The following ARHGAP24 variants were observed in gnomAD, a reference collection of about 807,000 sequenced individuals.
The protein encoded by ARHGAP24 is Rho GTPase activating protein 24.
ARHGAP24 carries 50 observed loss-of-function variants against 76.4 expected under a neutral mutation model. That is an observed-to-expected ratio of 0.65 (90% CI 0.52 to 0.83). The LOEUF (loss-of-function observed/expected upper bound fraction) is 0.83, where lower values mean the gene tolerates loss of function less well. Ranked by LOEUF, ARHGAP24 falls within the 40% of genes least tolerant of loss-of-function variation. The pLI, the probability that ARHGAP24 is intolerant of heterozygous loss-of-function variation, is 0.00. For missense variants in ARHGAP24, 930 were observed against 914.2 expected, an observed-to-expected ratio of 1.02 and a Z score of -0.22; for synonymous variants, 345 against 323.3, an observed-to-expected ratio of 1.07 and a Z score of -0.72.
At chr4:85,567,492 T>C (rs569944757) in intron 1 of ARHGAP24, among the ~76,000 whole-genome samples, 28 of 152,332 alleles carry the variant, frequency 1.8e-4, no homozygotes, top group Non-Finnish European at 3.2e-4. Flanking sequence ...ACTGGGTGTA[T>C]CATGGTGTCA....
At chr4:85,742,291 C>G (rs975526157) in intron 3 of ARHGAP24, among the ~76,000 whole-genome samples, 12 of 152,090 alleles carry the variant, frequency 7.9e-5, no homozygotes, top group Admixed American at 3.9e-4. Context: ...TCTCTCTTAT[C>G]GTGCAACATG....
intron 2 of ARHGAP24, among the ~76,000 whole-genome samples, chr4:85,642,194 G>A (rs538358652): frequency 3.0e-4 from 46 of 152,266 alleles, no homozygotes; most frequent in African/African-American, 1.1e-3. Flanking sequence ...GCAGGTTAAA[G>A]GTGGACGGGA....
chr4:85,970,216 G>A (rs991969038), intron 5 of ARHGAP24, among the ~76,000 whole-genome samples: 1 of 152,172 alleles, frequency 6.6e-6, no homozygotes, highest in Non-Finnish European at 1.5e-5. Flanking sequence ...TGCAAGGACA[G>A]GAGGCTTCCT....
At chr4:85,488,209 C>T (rs993300778) in intron 1 of ARHGAP24, among the ~76,000 whole-genome samples, 2 of 151,740 alleles carry the variant, frequency 1.3e-5, no homozygotes, top group Non-Finnish European at 2.9e-5. Flanking sequence ...AAAGAAATTC[C>T]TGCTCCCTCC....
At chr4:85,848,722 GT>G (rs1286864812) in intron 3 of ARHGAP24, among the ~76,000 whole-genome samples, 2 of 152,090 alleles carry the variant, frequency 1.3e-5, no homozygotes, top group African/African-American at 4.8e-5. Flanking sequence ...CCCATTTCTT[GT>G]TTTTGTCAGC....
intron 2 of ARHGAP24, among the ~76,000 whole-genome samples, chr4:85,697,844 A>T (rs1723926821): frequency 6.6e-6 from 1 of 152,194 alleles, no homozygotes; most frequent in South Asian, 2.1e-4. Flanking sequence ...GCCTGCCTTG[A>T]CCAGAGGTGA....
At chr4:85,986,246 T>C (rs1446287553) in intron 8 of ARHGAP24, among the ~76,000 whole-genome samples, 1 of 152,180 alleles carries the variant, frequency 6.6e-6, no homozygotes, top group East Asian at 1.9e-4. Context: ...CATATCCATA[T>C]CTATATAATA....
At chr4:85,821,465 C>T (rs1240565126) in intron 3 of ARHGAP24, among the ~76,000 whole-genome samples, 2 of 152,210 alleles carry the variant, frequency 1.3e-5, no homozygotes, top group African/African-American at 4.8e-5. Context: ...CCTCAAACTC[C>T]TGGGCTCAAG....
At chr4:85,669,731 CATCAGAAGTTTCA>C (rs1045853507) in intron 2 of ARHGAP24, among the ~76,000 whole-genome samples, 3 of 139,246 alleles carry the variant, frequency 2.2e-5, no homozygotes, top group Non-Finnish European at 3.1e-5. Flanking sequence ...CTATGTGAAG[CATCAGAAGTTTCA>C]ATCTAATCAT....
At chr4:85,782,239 A>G (rs1220968540) in intron 3 of ARHGAP24, among the ~76,000 whole-genome samples, 5 of 152,112 alleles carry the variant, frequency 3.3e-5, no homozygotes, top group East Asian at 1.9e-4. Context: ...CTCCTCTTTC[A>G]TTTTAATCGA....
At position 85,812,324 on chromosome 4, in the gene ARHGAP24, A is replaced by C. The variant is rs572828692; in HGVS notation, c.268+90352A>C. Among the ~76,000 whole-genome samples, 266 of 152,320 alleles carry C rather than the reference A, an allele frequency of 1.7e-3. 1 individual carries two copies. Among genetic ancestry groups the C allele is most frequent in the Admixed American group, 4.8e-3 (73 of 15,304 alleles). On this transcript the variant is annotated intron_variant, in intron 3 of 9. Coordinates refer to ENST00000395184, the MANE Select transcript of ARHGAP24 (RefSeq NM_001025616.3). ...TTACTTGATAATAACTAATTAAAGT[A>C]AATCTTATTACTTATAAGGTAGATT...
chr4:85,826,587 T>C (rs556222432), intron 3 of ARHGAP24, among the ~76,000 whole-genome samples: 8 of 152,252 alleles, frequency 5.3e-5, no homozygotes, highest in African/African-American at 1.9e-4. Flanking sequence ...GCAAGTAATT[T>C]ACTAGTCCCA....
chr4:85,514,278 G>A (rs1037779387), intron 1 of ARHGAP24, among the ~76,000 whole-genome samples: 1 of 152,082 alleles, frequency 6.6e-6, no homozygotes, highest in African/African-American at 2.4e-5. Flanking sequence ...TGCTCCGTAA[G>A]CACCCTTGAT....
intron 8 of ARHGAP24, among the ~76,000 whole-genome samples, chr4:85,987,944 A>G (rs976836715): frequency 3.9e-5 from 6 of 152,002 alleles, no homozygotes; most frequent in Admixed American, 1.3e-4. Context: ...GACACATTAC[A>G]TACAGAAGAA....
chr4:85,531,185 A>C (rs1193803694), intron 1 of ARHGAP24, among the ~76,000 whole-genome samples: 4 of 152,060 alleles, frequency 2.6e-5, no homozygotes, highest in African/African-American at 9.7e-5. Context: ...CGACCAAGAG[A>C]GAAAATAAAA....
intron 3 of ARHGAP24, among the ~76,000 whole-genome samples, chr4:85,871,060 C>A (rs1277277397): frequency 6.6e-6 from 1 of 152,050 alleles, no homozygotes; most frequent in East Asian, 1.9e-4. Flanking sequence ...GAATAAAGGT[C>A]TCTTAATTCC....
Position 85,995,340 on chromosome 4 carries a change from C to A in ARHGAP24, c.1686C>A (p.Ile562=). 6.2e-7 allele frequency: 1 copy of A among 1,614,080 alleles called. No homozygotes were observed. The highest frequency in any genetic ancestry group is 8.5e-7 in the Non-Finnish European group (1 of 1,180,022). The change falls in exon 9 of 10, where the codon ATC becomes ATA. Residue 562 remains isoleucine, a synonymous_variant. Coordinates refer to ENST00000395184, the MANE Select transcript of ARHGAP24 (RefSeq NM_001025616.3). ...SATWSTSSCE[I]SLPENSNSCR... ...CCTGGTCCACTTCCTCCTGTGAAATCTCCCTCCCTGAGAACTCCAACTCCT... is the reference window on the plus strand; with the variant it reads ...CCTGGTCCACTTCCTCCTGTGAAATATCCCTCCCTGAGAACTCCAACTCCT...
chr4:85,788,234 GA>G (rs1328816869), intron 3 of ARHGAP24, among the ~76,000 whole-genome samples: 1 of 152,108 alleles, frequency 6.6e-6, no homozygotes, highest in Admixed American at 6.6e-5. Context: ...GACATCAGAT[GA>G]TATAAAGAAA....
rs17010697 is a variant in ARHGAP24, at chr4:85,722,002, A to C, written c.268+30A>C. On this transcript the variant is annotated intron_variant, in intron 3 of 9. Coordinates refer to ENST00000395184, the MANE Select transcript of ARHGAP24 (RefSeq NM_001025616.3). Reference sequence around the variant, plus strand: ...GATATTTTCCTAGTCTGATTAAATTATTGTCATCCTGTGTTGGTAAAGGTG... The same window carrying C: ...GATATTTTCCTAGTCTGATTAAATTCTTGTCATCCTGTGTTGGTAAAGGTG... 311,160 of 1,583,988 alleles carry C rather than the reference A, an allele frequency of 0.2. 34,467 individuals carry two copies. The highest frequency in any genetic ancestry group is 0.42 in the East Asian group (18,644 of 44,514).
Sources: allele counts gnomAD v4.1 joint callset (sites outside exome capture counted in the v4.1 genomes callset), GRCh38; gene constraint gnomAD v4.1.1; transcripts MANE v1.5; gene names NCBI Gene and HGNC (gene_info 2026-07-23, HGNC 2026-07-21).